ECT2L: variants seen among roughly 807,000 people sequenced by gnomAD.
ECT2L encodes the protein epithelial cell-transforming sequence 2 oncogene-like.
In ECT2L, 126 loss-of-function variants were observed where a neutral mutation model predicts 122.8. That is an observed-to-expected ratio of 1.03 (90% CI 0.89 to 1.19). The LOEUF (loss-of-function observed/expected upper bound fraction) is 1.19. Among genes scored for constraint, ECT2L ranks in the 50% most tolerant of loss-of-function variants. The pLI is 0.00. For synonymous variants in ECT2L, 385 were observed against 381.8 expected, an observed-to-expected ratio of 1.01 and a Z score of -0.10; for missense variants, 1,012 against 1,064.1, an observed-to-expected ratio of 0.95 and a Z score of 0.68.
chr6:138,841,621 T>C (rs958564647), intron 5 of ECT2L, among the ~76,000 whole-genome samples: 1 of 152,222 alleles, frequency 6.6e-6, no homozygotes, highest in African/African-American at 2.4e-5. Context: ...AGCATCTAAG[T>C]CTTTTAGTCA....
intron 16 of ECT2L, among the ~76,000 whole-genome samples, chr6:138,884,691 T>C (rs965198117): frequency 6.6e-6 from 1 of 152,136 alleles, no homozygotes; most frequent in African/African-American, 2.4e-5. Flanking sequence ...ACCTGTATAA[T>C]AAATATTACT....
intron 5 of ECT2L, among the ~76,000 whole-genome samples, chr6:138,840,574 T>C (rs965903217): frequency 7.3e-6 from 1 of 137,630 alleles, no homozygotes; most frequent in Admixed American, 7.5e-5. Flanking sequence ...ATTTAAATTC[T>C]AGGTTGGCAG....
At chr6:138,856,309 G>A (rs979952381) in intron 10 of ECT2L, among the ~76,000 whole-genome samples, 2 of 149,376 alleles carry the variant, frequency 1.3e-5, no homozygotes, top group South Asian at 2.1e-4. Flanking sequence ...TCCGCCTCCC[G>A]GGCTCAAGCG....
chr6:138,890,849 G>GT (rs66472461), intron 20 of ECT2L, among the ~76,000 whole-genome samples: 53,362 of 151,826 alleles, frequency 0.35, 11,230 homozygotes, highest in Admixed American at 0.5. Context: ...TAGGTTGGTG[G>GT]TTTTTTCTTT....
intron 4 of ECT2L, among the ~76,000 whole-genome samples, chr6:138,825,584 A>G (rs1776418771): frequency 6.6e-6 from 1 of 152,194 alleles, no homozygotes; most frequent in Non-Finnish European, 1.5e-5. Flanking sequence ...CTCCGTCTAA[A>G]AAAAGAAAAG....
intron 13 of ECT2L, among the ~76,000 whole-genome samples, chr6:138,868,601 A>C (rs1391903369): frequency 6.6e-6 from 1 of 152,174 alleles, no homozygotes; most frequent in Non-Finnish European, 1.5e-5. Context: ...AGATGTGAAA[A>C]GATGACGGGA....
intron 13 of ECT2L, among the ~76,000 whole-genome samples, chr6:138,875,003 A>G (rs747630016): frequency 1.2e-4 from 18 of 152,134 alleles, no homozygotes; most frequent in Non-Finnish European, 1.6e-4. Flanking sequence ...TGGGAGATCA[A>G]TTGAGCTTGG....
chr6:138,863,752 A>G (rs1777923368), intron 11 of ECT2L, among the ~76,000 whole-genome samples: 1 of 151,532 alleles, frequency 6.6e-6, no homozygotes, highest in African/African-American at 2.4e-5. Context: ...AGTAGCTGGG[A>G]CTACAGGCAT....
At chr6:138,798,750 T>C (rs1394952474) in intron 1 of ECT2L, among the ~76,000 whole-genome samples, 1 of 152,232 alleles carries the variant, frequency 6.6e-6, no homozygotes, top group East Asian at 1.9e-4. Context: ...TGGCCTAAGA[T>C]GGACTCTGTA....
intron 20 of ECT2L, among the ~76,000 whole-genome samples, chr6:138,895,359 G>A (rs967444875): frequency 6.6e-6 from 1 of 152,064 alleles, no homozygotes; most frequent in African/African-American, 2.4e-5. Context: ...ATTACCTGAT[G>A]AGGCAGGTAG....
intron 18 of ECT2L, 81 bp from the exon 19 acceptor site, chr6:138,886,776 C>A: frequency 1.0e-6 from 1 of 996,624 alleles, no homozygotes; most frequent in Non-Finnish European, 1.5e-6. Flanking sequence ...TATCAAGCGC[C>A]ATAAAATATT....
Position 138,903,970 on chromosome 6 carries a change from T to C in ECT2L, c.*1343T>C, listed in dbSNP as rs1779493916. On this transcript the variant is annotated 3_prime_UTR_variant, in exon 22 of 22. Transcript: ENST00000541398. Reference sequence around the variant, plus strand: ...TTTCAGAAATGAAAATACAAAATCTTCTATTTCTTAAAACTTTAAATCTTG... The same window carrying C: ...TTTCAGAAATGAAAATACAAAATCTCCTATTTCTTAAAACTTTAAATCTTG... 6.6e-6 allele frequency: 1 copy of C among 152,202 alleles called. No individual in the cohort carries two copies. The highest frequency in any genetic ancestry group is 1.5e-5 in the Non-Finnish European group (1 of 68,030). 9.4% of individuals were successfully genotyped at this position (152,202 alleles called of 1,614,324 possible).
At chr6:138,829,077 C>T (rs1296187291) in intron 4 of ECT2L, among the ~76,000 whole-genome samples, 2 of 150,066 alleles carry the variant, frequency 1.3e-5, no homozygotes, top group East Asian at 2.0e-4. Flanking sequence ...AGCGTGGTCT[C>T]GAACTCCTGG....
In ECT2L at chr6:138,885,797, C is replaced by T. The variant is rs1306471546; in HGVS notation, c.2226C>T (p.Asp742=). Residue 742 remains aspartate (D), a synonymous_variant, in exon 18 of 22, where the codon GAC becomes GAT. Coordinates refer to ENST00000541398, the MANE Select transcript of ECT2L (RefSeq NM_001077706.3). ...GTGGGGACTTGACCACTGCAATTGA[C>T]CAAATCAAAAAATATAAAGGTTATA... ...VDRGDLTTAI[D]QIKKYKGYID... is the part of the protein sequence containing the mutation. The T allele has an allele frequency of 2.5e-5, 41 of 1,613,538 alleles. No individual in the cohort carries two copies. The highest frequency in any genetic ancestry group is 3.5e-5 in the Non-Finnish European group (41 of 1,179,826).
intron 8 of ECT2L, 152 bp from the exon 9 acceptor site, chr6:138,849,117 A>T: frequency 1.4e-6 from 1 of 712,464 alleles, no homozygotes; most frequent in African/African-American, 1.8e-5. Context: ...AACTAATTTT[A>T]ATAGAAACCA....
Position 138,865,104 on chromosome 6 carries a change from C to T in ECT2L, c.1400C>T (p.Thr467Ile), listed in dbSNP as rs868208598. Residue 467 changes from threonine to isoleucine, a missense_variant, in exon 12 of 22, where the codon ACC (threonine) becomes ATC (isoleucine). Transcript: ENST00000541398. ...WSSFTDFLEE[T>I]LKTVRKQLYP... The stretch of plus-strand genomic sequence containing the variant: ...AGCTTCACAGACTTCCTAGAAGAAA[C>T]CTTGAAAACAGTAAGGAAGCAGCTG... The T allele has an allele frequency of 6.2e-7, 1 of 1,614,034 alleles. No homozygotes were observed. Among genetic ancestry groups the T allele is most frequent in the South Asian group, 1.1e-5 (1 of 91,066 alleles).
At chr6:138,808,417 T>A (rs958668316) in intron 1 of ECT2L, among the ~76,000 whole-genome samples, 2 of 151,536 alleles carry the variant, frequency 1.3e-5, no homozygotes, top group African/African-American at 4.8e-5. Flanking sequence ...GCTAATTTTC[T>A]TTAAAAAATT....
At chr6:138,825,628 G>A (rs1402472205) in intron 4 of ECT2L, among the ~76,000 whole-genome samples, 1 of 152,072 alleles carries the variant, frequency 6.6e-6, no homozygotes, top group Non-Finnish European at 1.5e-5. Flanking sequence ...TAAGCAAAAA[G>A]AGGGAAATAC....
chr6:138,866,487 G>A (rs1778044232), intron 12 of ECT2L, among the ~76,000 whole-genome samples: 1 of 152,004 alleles, frequency 6.6e-6, no homozygotes, highest in Non-Finnish European at 1.5e-5. Flanking sequence ...CTGACCTCAA[G>A]TGATCTGCCC....
Sources: allele counts gnomAD v4.1 joint callset (sites outside exome capture counted in the v4.1 genomes callset), GRCh38; gene constraint gnomAD v4.1.1; transcripts MANE v1.5; gene names NCBI Gene and HGNC (gene_info 2026-07-23, HGNC 2026-07-21).